SPAG17: variants seen among roughly 807,000 people sequenced by gnomAD.
SPAG17 encodes sperm-associated antigen 17.
SPAG17 carries 169 observed loss-of-function variants against 273.6 expected under a neutral mutation model. That is an observed-to-expected ratio of 0.62 (90% confidence interval 0.55 to 0.70). SPAG17 has a LOEUF of 0.70. SPAG17 is among the 30% of genes least tolerant of loss of function. The pLI is 0.00. For missense variants in SPAG17, 2,557 were observed against 2,627.8 expected, an observed-to-expected ratio of 0.97 and a Z score of 0.59; for synonymous variants, 825 against 873.2, an observed-to-expected ratio of 0.94 and a Z score of 0.97.
At chr1:118,083,192 G>C (rs571006558) in intron 13 of SPAG17, among the ~76,000 whole-genome samples, 6 of 152,192 alleles carry the variant, frequency 3.9e-5, no homozygotes, top group African/African-American at 1.4e-4. Context: ...CTGAGCTCAA[G>C]TGATCCACCC....
intron 41 of SPAG17, among the ~76,000 whole-genome samples, chr1:117,984,253 C>T (rs1052177623): frequency 3.9e-5 from 6 of 152,176 alleles, no homozygotes; most frequent in South Asian, 2.1e-4. Flanking sequence ...AGGAGAAGAG[C>T]GTTCTCCCTC....
At chr1:117,997,889 T>C (rs1424836973) in intron 32 of SPAG17, among the ~76,000 whole-genome samples, 1 of 152,156 alleles carries the variant, frequency 6.6e-6, no homozygotes, top group Non-Finnish European at 1.5e-5. Context: ...TCATGGGCTA[T>C]AGATAAACAA....
At chr1:118,121,887 G>T (rs576340707) in intron 3 of SPAG17, among the ~76,000 whole-genome samples, 12 of 152,170 alleles carry the variant, frequency 7.9e-5, no homozygotes, top group Non-Finnish European at 5.9e-5. Flanking sequence ...TTTTTTATTG[G>T]CATTTTAAAA....
intron 1 of SPAG17, among the ~76,000 whole-genome samples, chr1:118,162,691 G>A (rs552581169): frequency 4.6e-4 from 70 of 152,140 alleles, no homozygotes; most frequent in African/African-American, 1.5e-3. Context: ...CCCTAGAAAT[G>A]AAGGATGCAA....
At chr1:118,181,510 T>A (rs1303349741) in intron 1 of SPAG17, among the ~76,000 whole-genome samples, 1 of 151,994 alleles carries the variant, frequency 6.6e-6, no homozygotes, top group Non-Finnish European at 1.5e-5. Flanking sequence ...GTTAAGCAAC[T>A]ATTACACACA....
Position 117,953,721 on chromosome 1 carries a change from CTT to C in SPAG17, c.*327_*328del. Reference sequence around the variant, plus strand: ...CAAAGATGGGAGTAGTCCTGAATCTCTTTGATCAATATGTGCTCCTTTCAGGT... The same window carrying C: ...CAAAGATGGGAGTAGTCCTGAATCTCTGATCAATATGTGCTCCTTTCAGGT... On this transcript the variant is annotated 3_prime_UTR_variant, in exon 49 of 49. Transcript: ENST00000336338. 2 of 640,764 alleles carry C rather than the reference CTT, an allele frequency of 3.1e-6. No individual in the cohort carries two copies. The highest frequency in any genetic ancestry group is 4.0e-5 in the South Asian group (2 of 49,824). The allele number at this position is 640,764 out of a possible 1,614,324, so 39.7% of individuals were successfully genotyped here.
intron 15 of SPAG17, among the ~76,000 whole-genome samples, chr1:118,080,425 G>A (rs1274469221): frequency 6.6e-6 from 1 of 152,180 alleles, no homozygotes; most frequent in Non-Finnish European, 1.5e-5. Flanking sequence ...CACAGAGTGT[G>A]TGAGCAACAG....
At chr1:118,102,572 A>C (rs550392078) in intron 4 of SPAG17, among the ~76,000 whole-genome samples, 325 of 152,334 alleles carry the variant, frequency 2.1e-3, no homozygotes, top group African/African-American at 7.5e-3. Flanking sequence ...ATGGGGTCAG[A>C]ATAAAACATC....
chr1:118,170,238 G>A (rs1451938051), intron 1 of SPAG17, among the ~76,000 whole-genome samples: 1 of 152,126 alleles, frequency 6.6e-6, no homozygotes, highest in Non-Finnish European at 1.5e-5. Flanking sequence ...TATTTTGGGG[G>A]ACATATAAGA....
At chr1:118,147,637 T>C (rs910331458) in intron 3 of SPAG17, among the ~76,000 whole-genome samples, 3 of 152,204 alleles carry the variant, frequency 2.0e-5, no homozygotes, top group African/African-American at 7.2e-5. Context: ...CTATGGTTTA[T>C]AAATAAAGAC....
At chr1:118,074,723 A>C in intron 15 of SPAG17, 123 bp from the exon 16 acceptor site, 4 of 855,194 alleles carry the variant, frequency 4.7e-6, no homozygotes, top group Non-Finnish European at 7.5e-6. Flanking sequence ...CAATGCCTGA[A>C]AGGCATGTTT....
Position 118,023,295 on chromosome 1 carries a change from A to G in SPAG17, c.4069+9T>C. 1 of 1,605,650 alleles carries G rather than the reference A, an allele frequency of 6.2e-7. No individual in the cohort carries two copies. Among genetic ancestry groups the G allele is most frequent in the Non-Finnish European group, 8.5e-7 (1 of 1,175,392 alleles). On this transcript the variant is annotated intron_variant, in intron 28 of 48. Coordinates refer to ENST00000336338, the MANE Select transcript of SPAG17 (RefSeq NM_206996.4). ...AATCCATAATAAACTGAGAGGCTTC[A>G]ATTGTTACCTTTCTTTGTGTTGGTA... is the stretch of plus-strand genomic sequence containing the variant.
At chr1:117,989,560 T>C (rs918363550) in intron 38 of SPAG17, among the ~76,000 whole-genome samples, 10 of 151,738 alleles carry the variant, frequency 6.6e-5, no homozygotes, top group African/African-American at 2.2e-4. Flanking sequence ...CCCTCCAACA[T>C]TGGGGATCAA....
At chr1:118,062,654 G>A (rs1327279332) in intron 18 of SPAG17, among the ~76,000 whole-genome samples, 1 of 151,860 alleles carries the variant, frequency 6.6e-6, no homozygotes, top group Admixed American at 6.6e-5. Flanking sequence ...ATGAAAAACT[G>A]AAAAATTCAC....
chr1:118,027,374 T>A (rs771075761), intron 26 of SPAG17, among the ~76,000 whole-genome samples: 1 of 152,214 alleles, frequency 6.6e-6, no homozygotes, highest in Non-Finnish European at 1.5e-5. Context: ...AAATTATTTT[T>A]AAATAAGCAT....
At chr1:118,182,681 C>T (rs923139233) in intron 1 of SPAG17, among the ~76,000 whole-genome samples, 2 of 152,104 alleles carry the variant, frequency 1.3e-5, no homozygotes, top group Non-Finnish European at 2.9e-5. Context: ...ACATTTTTCT[C>T]CCAATCTAAA....
intron 13 of SPAG17, among the ~76,000 whole-genome samples, chr1:118,082,923 G>A (rs1017488381): frequency 6.6e-6 from 1 of 152,218 alleles, no homozygotes; most frequent in Admixed American, 6.5e-5. Flanking sequence ...TGAGGCCAGT[G>A]TAGATGAGGG....
At position 118,031,604 on chromosome 1, in the gene SPAG17, A is replaced by G. The variant is rs1024559344; in HGVS notation, c.3609+88T>C. ...TGCACAATAAAACGTATGCACTATA[A>G]TAACACTATTGACATAAGTCATGGT... On this transcript the variant is annotated intron_variant, in intron 25 of 48. Transcript: ENST00000336338. The G allele has an allele frequency of 2.4e-5, 32 of 1,338,186 alleles. 1 individual carries two copies. In the South Asian group the frequency reaches 3.7e-4, roughly 16 times the overall value. The allele number at this position is 1,338,186 out of a possible 1,614,324, so 82.9% of individuals were successfully genotyped here.
At chr1:118,093,374 A>C (rs927647341) in intron 7 of SPAG17, 57 bp from the exon 8 acceptor site, 5 of 1,484,450 alleles carry the variant, frequency 3.4e-6, no homozygotes, top group Non-Finnish European at 4.6e-6. Flanking sequence ...TTGGAATCAG[A>C]TATATGGTAT....
Sources: gnomAD v4.1 joint callset for allele counts (sites outside exome capture counted in the v4.1 genomes callset) on GRCh38, gnomAD v4.1.1 for gene constraint, MANE v1.5 for transcripts, NCBI Gene and HGNC (gene_info 2026-07-23, HGNC 2026-07-21) for gene names.